The following FAM135A variants were observed in gnomAD, a reference collection of about 807,000 sequenced individuals.
FAM135A encodes family with sequence similarity 135 member A, also known as protein FAM135A.
Under a neutral mutation model 146.8 loss-of-function variants are expected in FAM135A, and 79 were observed. That is an observed-to-expected ratio of 0.54 (90% CI 0.45 to 0.65). FAM135A has a LOEUF of 0.65. Among genes scored for constraint, FAM135A ranks in the 30% least tolerant of loss-of-function variants. The pLI, the probability that FAM135A is intolerant of heterozygous loss-of-function variation, is 0.00. For missense variants in FAM135A, 1,623 were observed against 1,758.2 expected (o/e 0.92, Z 1.38); for synonymous variants, 562 against 603.6 (o/e 0.93, Z 1.01).
chr6:70,492,743 T>G (rs1786304054), intron 11 of FAM135A, among the ~76,000 whole-genome samples: 2 of 151,978 alleles, frequency 1.3e-5, no homozygotes, highest in South Asian at 4.1e-4. Flanking sequence ...TGATACTCAT[T>G]CTTACTGGAA....
At chr6:70,475,986 C>G (rs1267035623) in intron 7 of FAM135A, among the ~76,000 whole-genome samples, 3 of 152,210 alleles carry the variant, frequency 2.0e-5, no homozygotes, top group African/African-American at 7.2e-5. Context: ...AGAAATTGCA[C>G]TGTTAATGTA....
chr6:70,527,024 T>C (rs568201620), intron 15 of FAM135A, among the ~76,000 whole-genome samples: 1 of 152,158 alleles, frequency 6.6e-6, no homozygotes, highest in South Asian at 2.1e-4. Flanking sequence ...AGTTTTGTGT[T>C]AGAAGTATGG....
At chr6:70,464,945 A>G (rs572650367) in intron 5 of FAM135A, among the ~76,000 whole-genome samples, 38 of 148,946 alleles carry the variant, frequency 2.6e-4, no homozygotes, top group Non-Finnish European at 4.1e-4. Flanking sequence ...TGGCCTCCCA[A>G]AGTGCTGGGA....
rs1228369504 is a variant in FAM135A, at chr6:70,537,408, A to G, written c.4118-883A>G. 2.6e-5 allele frequency among the ~76,000 whole-genome samples: 4 copies of G among 152,216 alleles called. No individual in the cohort carries two copies. The East Asian group carries it at 7.7e-4, about 29-fold the overall frequency. On this transcript the variant is annotated intron_variant, in intron 19 of 21. Transcript: ENST00000418814. ...TACCACTTCCTTTTAATGACAAACC[A>G]TACCATTTTTCCTGTATCCCATTTC...
chr6:70,538,149 A>G (rs1562004067), intron 19 of FAM135A, 142 bp from the exon 20 acceptor site: 1 of 438,562 alleles, frequency 2.3e-6, no homozygotes, highest in Non-Finnish European at 4.0e-6. Flanking sequence ...AATATTTTCC[A>G]AATATATTTT....
intron 4 of FAM135A, among the ~76,000 whole-genome samples, chr6:70,447,654 A>C (rs1342881282): frequency 6.6e-6 from 1 of 152,242 alleles, no homozygotes; most frequent in Non-Finnish European, 1.5e-5. Context: ...AATGGGGCCC[A>C]GGATGGGCCC....
At chr6:70,554,878 C>T (rs1163077808) in intron 20 of FAM135A, among the ~76,000 whole-genome samples, 2 of 152,282 alleles carry the variant, frequency 1.3e-5, no homozygotes, top group African/African-American at 4.8e-5. Context: ...CCACCCTCGG[C>T]CTCCCAAAGT....
chr6:70,532,511 C>G (rs1378922636), intron 16 of FAM135A, among the ~76,000 whole-genome samples: 2 of 152,076 alleles, frequency 1.3e-5, no homozygotes, highest in African/African-American at 4.8e-5. Context: ...GTATGATTAC[C>G]TAGAATGGTG....
At chr6:70,418,326 G>T (rs1223247850) in intron 2 of FAM135A, 1 of 151,964 alleles carries the variant, frequency 6.6e-6, no homozygotes, top group Non-Finnish European at 1.5e-5. Flanking sequence ...TAATTTATTT[G>T]TTTATTTATT....
intron 20 of FAM135A, among the ~76,000 whole-genome samples, chr6:70,544,255 G>C (rs1417707692): frequency 1.3e-5 from 2 of 151,900 alleles, no homozygotes; most frequent in African/African-American, 4.8e-5. Context: ...GGCCAGCCTG[G>C]ACACTGGGCA....
At chr6:70,429,930 T>G (rs1340824923) in intron 4 of FAM135A, among the ~76,000 whole-genome samples, 1 of 152,066 alleles carries the variant, frequency 6.6e-6, no homozygotes, top group Non-Finnish European at 1.5e-5. Context: ...CCTTGCCATC[T>G]TGTTGAAAAA....
At chr6:70,484,558 G>A (rs1165236654) in intron 10 of FAM135A, among the ~76,000 whole-genome samples, 1 of 152,124 alleles carries the variant, frequency 6.6e-6, no homozygotes, top group African/African-American at 2.4e-5. Flanking sequence ...CCACGGATTG[G>A]GGGAAGTGAT....
chr6:70,418,954 T>C (rs1287688512), intron 2 of FAM135A, among the ~76,000 whole-genome samples: 1 of 152,220 alleles, frequency 6.6e-6, no homozygotes, highest in Non-Finnish European at 1.5e-5. Context: ...CCAGAGCTTA[T>C]GTTGATTGGA....
At chr6:70,472,061 A>G (rs1044168987) in intron 5 of FAM135A, among the ~76,000 whole-genome samples, 6 of 152,148 alleles carry the variant, frequency 3.9e-5, no homozygotes, top group African/African-American at 1.4e-4. Context: ...GGAGATTCAA[A>G]GCCAGTGGTA....
intron 4 of FAM135A, among the ~76,000 whole-genome samples, chr6:70,449,128 A>G (rs1460049223): frequency 6.6e-6 from 1 of 152,174 alleles, no homozygotes; most frequent in Non-Finnish European, 1.5e-5. Context: ...CTTTCTTTTC[A>G]TATTTTAAAA....
intron 12 of FAM135A, among the ~76,000 whole-genome samples, chr6:70,513,514 T>A (rs576881882): frequency 6.6e-6 from 1 of 151,920 alleles, no homozygotes; most frequent in Admixed American, 6.6e-5. Flanking sequence ...ATGATATAGC[T>A]TCCTATCTAG....
At chr6:70,558,997 A>G (rs1358965241) in intron 21 of FAM135A, among the ~76,000 whole-genome samples, 2 of 152,230 alleles carry the variant, frequency 1.3e-5, no homozygotes, top group African/African-American at 2.4e-5. Context: ...AAACATCTTT[A>G]AAGTATTTGC....
intron 4 of FAM135A, among the ~76,000 whole-genome samples, chr6:70,432,291 ATC>A (rs770298249): frequency 2.6e-5 from 4 of 152,202 alleles, no homozygotes; most frequent in Non-Finnish European, 5.9e-5. Flanking sequence ...ACTAAAGAGC[ATC>A]TCTTTCTCTT....
chr6:70,414,808 G>A (rs917798585), intron 1 of FAM135A, among the ~76,000 whole-genome samples: 4 of 152,178 alleles, frequency 2.6e-5, no homozygotes, highest in African/African-American at 9.7e-5. Flanking sequence ...GCCTGGGAAA[G>A]CAACTTGAGT....
Sources: allele counts gnomAD v4.1 joint callset (sites outside exome capture counted in the v4.1 genomes callset), GRCh38; gene constraint gnomAD v4.1.1; transcripts MANE v1.5; gene names NCBI Gene and HGNC (gene_info 2026-07-23, HGNC 2026-07-21).